AFAP1: variants seen among roughly 807,000 people sequenced by gnomAD.
AFAP1 encodes actin filament-associated protein 1.
Under a neutral mutation model 93.9 loss-of-function variants are expected in AFAP1, and 75 were observed. That is an observed-to-expected ratio of 0.80 (90% CI 0.66 to 0.97). The LOEUF (loss-of-function observed/expected upper bound fraction) is 0.97. Among genes scored for constraint, AFAP1 ranks in the 50% least tolerant of loss-of-function variants. AFAP1 has a pLI of 0.00. For synonymous variants in AFAP1, 517 were observed against 430.7 expected (o/e 1.20, Z -2.48); for missense variants, 1,201 against 1,050.8 (o/e 1.14, Z -1.98).
At chr4:7,895,167 C>T (rs1353073698) in intron 1 of AFAP1, among the ~76,000 whole-genome samples, 1 of 152,212 alleles carries the variant, frequency 6.6e-6, no homozygotes, top group African/African-American at 2.4e-5. Flanking sequence ...ACACAGACTT[C>T]GGTGGTGGAG....
In AFAP1 at chr4:7,885,030, G is replaced by A. The variant is rs1178377970; in HGVS notation, c.-2-12950C>T. Among the ~76,000 whole-genome samples, 5 of 152,254 alleles carry A rather than the reference G, an allele frequency of 3.3e-5. No individual in the cohort carries two copies. In the South Asian group the frequency reaches 6.2e-4, roughly 19 times the overall value. On this transcript the variant is annotated intron_variant, in intron 1 of 17. Transcript: ENST00000420658. Reference sequence around the variant, plus strand: ...CACCTTTCTTTGACAAAGGCAGGACGCTGGAGAACTGTTTCACAAAAGCTC... The same window carrying A: ...CACCTTTCTTTGACAAAGGCAGGACACTGGAGAACTGTTTCACAAAAGCTC...
At chr4:7,782,137 C>T (rs1287159229) in intron 12 of AFAP1, among the ~76,000 whole-genome samples, 1 of 152,206 alleles carries the variant, frequency 6.6e-6, no homozygotes, top group African/African-American at 2.4e-5. Flanking sequence ...GCACTTCTCA[C>T]GTCCTGGACG....
intron 17 of AFAP1, among the ~76,000 whole-genome samples, chr4:7,765,827 G>A (rs1294821790): frequency 6.6e-6 from 1 of 152,186 alleles, no homozygotes; most frequent in Non-Finnish European, 1.5e-5. Context: ...GGTACAACGT[G>A]AGTCCCACCA....
chr4:7,891,617 A>G (rs923819455), intron 1 of AFAP1, among the ~76,000 whole-genome samples: 2 of 152,042 alleles, frequency 1.3e-5, no homozygotes, highest in African/African-American at 4.8e-5. Flanking sequence ...AATGAATTGT[A>G]TTCTCTTCAT....
chr4:7,820,162 C>T (rs977658808), intron 6 of AFAP1, among the ~76,000 whole-genome samples: 17 of 152,122 alleles, frequency 1.1e-4, no homozygotes, highest in African/African-American at 4.1e-4. Context: ...AGGAGGTACC[C>T]GAGGGAGAAT....
At chr4:7,895,902 A>T (rs1275123514) in intron 1 of AFAP1, among the ~76,000 whole-genome samples, 2 of 128,330 alleles carry the variant, frequency 1.6e-5, no homozygotes, top group South Asian at 2.4e-4. Context: ...TCTTATGCCC[A>T]GGCTGGAGTG....
intron 1 of AFAP1, among the ~76,000 whole-genome samples, chr4:7,933,850 T>C (rs1163592408): frequency 6.6e-6 from 1 of 152,198 alleles, no homozygotes; most frequent in East Asian, 1.9e-4. Flanking sequence ...GCCCACATGG[T>C]GATTTTTGCC....
chr4:7,767,622 C>T (rs953446563), intron 17 of AFAP1, among the ~76,000 whole-genome samples: 6 of 152,258 alleles, frequency 3.9e-5, no homozygotes, highest in Middle Eastern at 3.4e-3. Flanking sequence ...CTTCAGTACA[C>T]GGATCTGCTA....
At chr4:7,859,776 C>T (rs867894150) in intron 3 of AFAP1, among the ~76,000 whole-genome samples, 122 of 152,198 alleles carry the variant, frequency 8.0e-4, no homozygotes, top group African/African-American at 2.7e-3. Flanking sequence ...CAGTACTGGC[C>T]GTAATTTTAA....
chr4:7,787,592 G>C (rs1717420998), intron 11 of AFAP1, among the ~76,000 whole-genome samples: 1 of 152,162 alleles, frequency 6.6e-6, no homozygotes, highest in Admixed American at 6.5e-5. Context: ...CCCAGCTGGT[G>C]CCCACAGAAA....
chr4:7,887,926 A>C (rs1014780057), intron 1 of AFAP1, among the ~76,000 whole-genome samples: 5 of 152,090 alleles, frequency 3.3e-5, no homozygotes, highest in East Asian at 1.9e-4. Context: ...TCACAGGTTC[A>C]AGCGATACTC....
chr4:7,906,252 C>CT (rs1719395118), intron 1 of AFAP1, among the ~76,000 whole-genome samples: 1 of 152,124 alleles, frequency 6.6e-6, no homozygotes, highest in Non-Finnish European at 1.5e-5. Context: ...CTCTTAGCTT[C>CT]TGTGAGCCAC....
At chr4:7,851,857 A>G (rs1039290409) in intron 4 of AFAP1, among the ~76,000 whole-genome samples, 2 of 152,174 alleles carry the variant, frequency 1.3e-5, no homozygotes, top group Admixed American at 1.3e-4. Flanking sequence ...TCCATCATGA[A>G]GAGATCATTA....
intron 1 of AFAP1, among the ~76,000 whole-genome samples, chr4:7,898,748 T>G (rs985655469): frequency 1.3e-5 from 2 of 151,448 alleles, no homozygotes; most frequent in Admixed American, 6.6e-5. Flanking sequence ...GCACATCTAT[T>G]TTTTCACGAA....
At chr4:7,803,085 T>C (rs1304469129) in intron 9 of AFAP1, among the ~76,000 whole-genome samples, 3 of 152,174 alleles carry the variant, frequency 2.0e-5, no homozygotes, top group Non-Finnish European at 2.9e-5. Context: ...GCCGACACTT[T>C]TACATTTTTA....
chr4:7,812,693 C>G (rs1263972862), intron 8 of AFAP1, among the ~76,000 whole-genome samples: 1 of 152,172 alleles, frequency 6.6e-6, no homozygotes, highest in Non-Finnish European at 1.5e-5. Context: ...GCGCACGCCA[C>G]TGGAGCAAGA....
At chr4:7,764,295 C>G (rs1372963217) in intron 17 of AFAP1, among the ~76,000 whole-genome samples, 1 of 152,168 alleles carries the variant, frequency 6.6e-6, no homozygotes, top group African/African-American at 2.4e-5. Context: ...AATCCCAGCA[C>G]TGTGGGACAC....
At chr4:7,935,721 G>A (rs1462828631) in intron 1 of AFAP1, among the ~76,000 whole-genome samples, 3 of 151,524 alleles carry the variant, frequency 2.0e-5, no homozygotes, top group Admixed American at 2.0e-4. Context: ...AATACCAATG[G>A]CATCAAAGCA....
chr4:7,796,286 G>C (rs1718411452), intron 10 of AFAP1, among the ~76,000 whole-genome samples: 1 of 152,140 alleles, frequency 6.6e-6, no homozygotes, highest in Non-Finnish European at 1.5e-5. Context: ...GCATCTCCTT[G>C]TGCCACAAAG....
Sources: allele counts gnomAD v4.1 joint callset (sites outside exome capture counted in the v4.1 genomes callset), GRCh38; gene constraint gnomAD v4.1.1; transcripts MANE v1.5; gene names NCBI Gene and HGNC (gene_info 2026-07-23, HGNC 2026-07-21).